Variants in ATP2B4 observed in about 807,000 individuals in gnomAD.
ATP2B4 encodes the protein ATPase plasma membrane Ca2+ transporting 4, also known as plasma membrane calcium-transporting ATPase 4.
Under a neutral mutation model 110.3 loss-of-function variants are expected in ATP2B4, and 39 were observed. The ratio of observed to expected loss-of-function variants is 0.35; its 90% CI spans 0.27 to 0.46. ATP2B4 has a LOEUF of 0.46. Ranked by LOEUF, ATP2B4 falls within the 20% of genes least tolerant of loss-of-function variation. The probability of loss-of-function intolerance (pLI) is 1.00; values close to 1 mark genes in which losing one functional copy is unlikely to be tolerated. For synonymous variants in ATP2B4, 538 were observed against 571.7 expected, an observed-to-expected ratio of 0.94 and a Z score of 0.84; for missense variants, 1,135 against 1,530.9, an observed-to-expected ratio of 0.74 and a Z score of 4.32.
intron 3 of ATP2B4, 140 bp downstream of exon 3, chr1:203,698,494 C>T: frequency 2.4e-6 from 2 of 844,818 alleles, no homozygotes; most frequent in African/African-American, 3.4e-5. Flanking sequence ...CAAAGGAAAC[C>T]AAGCAGTAGC....
intron 2 of ATP2B4, among the ~76,000 whole-genome samples, chr1:203,692,620 G>A (rs1665416003): frequency 6.6e-6 from 1 of 152,150 alleles, no homozygotes; most frequent in Admixed American, 6.5e-5. Flanking sequence ...GCCTCCTTTG[G>A]CAAGGTGTCA....
chr1:203,678,391 G>GTTTT (rs775175760), intron 1 of ATP2B4, among the ~76,000 whole-genome samples: 3 of 83,286 alleles, frequency 3.6e-5, no homozygotes, highest in Non-Finnish European at 4.9e-5. Flanking sequence ...ATTTCTAGAG[G>GTTTT]CTTTTTTTTT....
chr1:203,649,684 C>T (rs1033144751), intron 1 of ATP2B4, among the ~76,000 whole-genome samples: 3 of 152,234 alleles, frequency 2.0e-5, no homozygotes, highest in Admixed American at 6.5e-5. Context: ...GTCCCAGCTA[C>T]TCAAGAGGCT....
At chr1:203,690,374 A>G (rs995334515) in intron 2 of ATP2B4, among the ~76,000 whole-genome samples, 1 of 152,236 alleles carries the variant, frequency 6.6e-6, no homozygotes, top group African/African-American at 2.4e-5. Context: ...CTATTGCCTT[A>G]CTATTAATAC....
intron 6 of ATP2B4, among the ~76,000 whole-genome samples, chr1:203,701,515 A>G (rs1314226667): frequency 6.6e-6 from 1 of 152,232 alleles, no homozygotes; most frequent in East Asian, 1.9e-4. Context: ...TTCTTCCCTT[A>G]GGGGAGAGAA....
chr1:203,659,544 C>G (rs1178119263), intron 1 of ATP2B4, among the ~76,000 whole-genome samples: 1 of 151,782 alleles, frequency 6.6e-6, no homozygotes, highest in Non-Finnish European at 1.5e-5. Flanking sequence ...GTGGCACACC[C>G]CTGTAGTCCA....
intron 1 of ATP2B4, among the ~76,000 whole-genome samples, chr1:203,659,023 G>A (rs1413065538): frequency 6.6e-6 from 1 of 151,964 alleles, no homozygotes; most frequent in Non-Finnish European, 1.5e-5. Context: ...AAATTAGAAG[G>A]TGAATATAGT....
intron 2 of ATP2B4, among the ~76,000 whole-genome samples, chr1:203,693,013 G>T (rs750275113): frequency 3.3e-5 from 5 of 152,182 alleles, no homozygotes; most frequent in Admixed American, 2.0e-4. Flanking sequence ...TGTTCTTGAG[G>T]ACAAGATTTC....
intron 18 of ATP2B4, 123 bp downstream of exon 18, chr1:203,722,812 T>A: frequency 1.1e-6 from 1 of 907,044 alleles, no homozygotes; most frequent in Non-Finnish European, 1.6e-6. Context: ...GAGCTGTAAG[T>A]TGAACACTTT....
intron 2 of ATP2B4, among the ~76,000 whole-genome samples, chr1:203,687,376 G>A (rs1408615351): frequency 6.6e-6 from 1 of 152,170 alleles, no homozygotes; most frequent in Non-Finnish European, 1.5e-5. Context: ...ATGCTCACCT[G>A]TTTAGTTAGG....
At chr1:203,705,366 G>C (rs1571743847) in intron 8 of ATP2B4, among the ~76,000 whole-genome samples, 1 of 152,158 alleles carries the variant, frequency 6.6e-6, no homozygotes. Flanking sequence ...CCTAACCCTT[G>C]TACTATTCTC....
At chr1:203,673,696 A>G (rs919519353) in intron 1 of ATP2B4, among the ~76,000 whole-genome samples, 7 of 152,214 alleles carry the variant, frequency 4.6e-5, no homozygotes, top group African/African-American at 1.7e-4. Context: ...TATCTGGGCC[A>G]CACAGGAATG....
In ATP2B4 at chr1:203,714,286, A is replaced by T. The variant is rs1221086505; in HGVS notation, c.2406+9A>T. ...ATGTTGGTTTTGCCATGGTAAGCTC[A>T]GCACAGTGTCTCTCTGATTGCAAGC... On this transcript the variant is annotated intron_variant, in intron 15 of 20. Coordinates refer to ENST00000357681, the MANE Select transcript of ATP2B4 (RefSeq NM_001684.5). The T allele has an allele frequency of 6.2e-7, 1 of 1,613,960 alleles. No individual in the cohort carries two copies. Among genetic ancestry groups the T allele is most frequent in the Admixed American group, 1.7e-5 (1 of 60,016 alleles).
intron 20 of ATP2B4, chr1:203,733,525 G>A: frequency 9.3e-7 from 1 of 1,076,032 alleles, no homozygotes; most frequent in Non-Finnish European, 1.3e-6. Context: ...TTTGACTTAA[G>A]GGAAGAAAAA....
chr1:203,699,787 AG>A (rs1665636953), intron 4 of ATP2B4, 70 bp downstream of exon 4: 1 of 1,579,848 alleles, frequency 6.3e-7, no homozygotes, highest in Non-Finnish European at 8.6e-7. Context: ...CTTTGGCATG[AG>A]GGGGCTGGGA....
chr1:203,689,783 G>C (rs1396823457), intron 2 of ATP2B4, among the ~76,000 whole-genome samples: 1 of 152,236 alleles, frequency 6.6e-6, no homozygotes, highest in Non-Finnish European at 1.5e-5. Context: ...GGCAATTTCA[G>C]AAATCTTGCC....
intron 1 of ATP2B4, among the ~76,000 whole-genome samples, chr1:203,682,278 G>C (rs1665038480): frequency 6.6e-6 from 1 of 152,142 alleles, no homozygotes; most frequent in Non-Finnish European, 1.5e-5. Flanking sequence ...TTGTGGGAGA[G>C]GAAGGCAGAC....
chr1:203,642,250 T>TA (rs112746637), intron 1 of ATP2B4, among the ~76,000 whole-genome samples: 327 of 151,850 alleles, frequency 2.2e-3, no homozygotes, highest in African/African-American at 7.4e-3. Context: ...CCCAGCAAAT[T>TA]AAAAAAAAAT....
intron 13 of ATP2B4, among the ~76,000 whole-genome samples, chr1:203,712,368 G>A (rs997734295): frequency 1.3e-5 from 2 of 152,116 alleles, no homozygotes; most frequent in Non-Finnish European, 2.9e-5. Flanking sequence ...CACGGCGGGT[G>A]GATCACAAGG....
Sources: gnomAD v4.1 joint callset for allele counts (sites outside exome capture counted in the v4.1 genomes callset) on GRCh38, gnomAD v4.1.1 for gene constraint, MANE v1.5 for transcripts, NCBI Gene and HGNC (gene_info 2026-07-23, HGNC 2026-07-21) for gene names.